SLC24A3: variants seen among roughly 807,000 people sequenced by gnomAD.
SLC24A3 encodes sodium/potassium/calcium exchanger 3.
Under a neutral mutation model 75.8 loss-of-function variants are expected in SLC24A3, and 28 were observed. The observed-to-expected ratio is 0.37, with a 90% CI of 0.27 to 0.51. SLC24A3 has a LOEUF of 0.51. SLC24A3 is among the 20% of genes least tolerant of loss of function. The pLI is 0.94. For missense variants in SLC24A3, 663 were observed against 847.8 expected (o/e 0.78, Z 2.71); for synonymous variants, 372 against 334.1 (o/e 1.11, Z -1.24).
At chr20:19,264,067 A>G (rs914958051) in intron 1 of SLC24A3, 17 of 151,808 alleles carry the variant, frequency 1.1e-4, no homozygotes, top group African/African-American at 3.9e-4. Context: ...AAAAAAAAAA[A>G]AAATGCTTAC....
intron 1 of SLC24A3, among the ~76,000 whole-genome samples, chr20:19,268,985 T>C (rs1021126065): frequency 6.6e-6 from 1 of 152,248 alleles, no homozygotes; most frequent in Admixed American, 6.5e-5. Flanking sequence ...TTGTCTCCTC[T>C]TGCCACTGCA....
At chr20:19,661,529 A>G (rs2032326336) in intron 7 of SLC24A3, among the ~76,000 whole-genome samples, 1 of 152,298 alleles carries the variant, frequency 6.6e-6, no homozygotes, top group African/African-American at 2.4e-5. Flanking sequence ...GGAAAAGTCT[A>G]CGGGGGGCTG....
intron 2 of SLC24A3, among the ~76,000 whole-genome samples, chr20:19,463,734 C>A (rs1337778263): frequency 6.6e-6 from 1 of 152,200 alleles, no homozygotes; most frequent in African/African-American, 2.4e-5. Context: ...CAGGGGAAAA[C>A]CTGACTTGCG....
At chr20:19,391,716 T>A (rs1309811694) in intron 2 of SLC24A3, among the ~76,000 whole-genome samples, 1 of 151,860 alleles carries the variant, frequency 6.6e-6, no homozygotes, top group Admixed American at 6.6e-5. Flanking sequence ...TCTTTGGGAG[T>A]CTTCAGTCTT....
intron 2 of SLC24A3, among the ~76,000 whole-genome samples, chr20:19,324,831 G>A (rs1984800822): frequency 6.6e-6 from 1 of 152,120 alleles, no homozygotes; most frequent in African/African-American, 2.4e-5. Context: ...TGTTCAACGA[G>A]TTAATCCTCC....
chr20:19,259,566 T>C (rs6081551), intron 1 of SLC24A3, among the ~76,000 whole-genome samples: 101,061 of 152,028 alleles, frequency 0.66, 34,214 homozygotes, highest in East Asian at 0.96. Context: ...CAGCCAGTCA[T>C]GGCCACCCCT....
intron 2 of SLC24A3, among the ~76,000 whole-genome samples, chr20:19,378,296 A>G (rs577849883): frequency 6.6e-6 from 1 of 152,184 alleles, no homozygotes; most frequent in South Asian, 2.1e-4. Context: ...TTTTAAAAAA[A>G]AAAAATAAAG....
At chr20:19,661,581 C>T (rs1860514269) in intron 7 of SLC24A3, among the ~76,000 whole-genome samples, 1 of 152,152 alleles carries the variant, frequency 6.6e-6, no homozygotes, top group South Asian at 2.1e-4. Context: ...AGGTTTCAGT[C>T]TCTTGAAAGA....
Position 19,696,851 on chromosome 20 carries a change from T to G in SLC24A3, c.1546T>G (p.Phe516Val). The change falls in exon 14 of 17, where the codon TTC becomes GTC. Residue 516 changes from phenylalanine (F) to valine (V), a missense_variant. Around this residue, in one of 2 missense-constraint regions of SLC24A3, gnomAD observed 510 missense variants for 703.6 expected, o/e 0.72. Coordinates refer to ENST00000328041, the MANE Select transcript of SLC24A3 (RefSeq NM_020689.4). ...TCCTGACGTCATCATGGGGATCACC[T>G]TCCTGGCTGCTGGGACCAGCGTGCC... is the stretch of plus-strand genomic sequence containing the variant. ...GIPDVIMGIT[F>V]LAAGTSVPDC... The G allele has an allele frequency of 6.2e-7, 1 of 1,614,014 alleles. No individual in the cohort carries two copies. The highest frequency in any genetic ancestry group is 8.5e-7 in the Non-Finnish European group (1 of 1,179,994).
intron 1 of SLC24A3, among the ~76,000 whole-genome samples, chr20:19,256,430 A>C (rs1982816718): frequency 6.6e-6 from 1 of 152,178 alleles, no homozygotes; most frequent in Non-Finnish European, 1.5e-5. Flanking sequence ...ACAACTCTGT[A>C]AATATATGAA....
At chr20:19,626,089 A>G (rs1006189192) in intron 6 of SLC24A3, among the ~76,000 whole-genome samples, 2 of 152,076 alleles carry the variant, frequency 1.3e-5, no homozygotes, top group African/African-American at 2.4e-5. Flanking sequence ...TTATATTTTA[A>G]TATTACTTGG....
At chr20:19,315,686 G>A (rs1324436901) in intron 2 of SLC24A3, among the ~76,000 whole-genome samples, 1 of 152,202 alleles carries the variant, frequency 6.6e-6, no homozygotes, top group Non-Finnish European at 1.5e-5. Context: ...ATGATCTGTT[G>A]ATGTGGATCC....
chr20:19,391,497 G>A (rs147117060), intron 2 of SLC24A3, among the ~76,000 whole-genome samples: 29 of 152,278 alleles, frequency 1.9e-4, no homozygotes, highest in Non-Finnish European at 3.8e-4. Flanking sequence ...TCTCAGACTG[G>A]TGTCCCATAT....
chr20:19,571,108 G>A, intron 3 of SLC24A3, among the ~76,000 whole-genome samples: 1 of 152,184 alleles, frequency 6.6e-6, no homozygotes, highest in East Asian at 1.9e-4. Flanking sequence ...TTCAAATCCT[G>A]CCTCTATCAC....
intron 7 of SLC24A3, among the ~76,000 whole-genome samples, chr20:19,657,869 T>C (rs2032283191): frequency 6.6e-6 from 1 of 152,206 alleles, no homozygotes; most frequent in South Asian, 2.1e-4. Flanking sequence ...CCTTAGGTAA[T>C]ACTAAGTTTC....
chr20:19,467,737 T>C (rs1223687950), intron 2 of SLC24A3, among the ~76,000 whole-genome samples: 3 of 152,028 alleles, frequency 2.0e-5, no homozygotes. Context: ...AAAAATTAGC[T>C]GGGCGTAGTG....
In SLC24A3 at chr20:19,212,798, A is replaced by T; in HGVS notation, c.-45A>T. On this transcript the variant is annotated 5_prime_UTR_variant, in exon 1 of 17. Transcript: ENST00000328041. ...TGTCCCCGCCGCGGCCGCCCGCGAC[A>T]GGAGCGGCCGCCGCCCGCCGAGGCC... 1 of 977,726 alleles carries T rather than the reference A, an allele frequency of 1.0e-6. No individual in the cohort carries two copies. Among genetic ancestry groups the T allele is most frequent in the Non-Finnish European group, 1.2e-6 (1 of 826,698 alleles). The allele number at this position is 977,726 out of a possible 1,614,324, so 60.6% of individuals were successfully genotyped here.
intron 1 of SLC24A3, among the ~76,000 whole-genome samples, chr20:19,260,726 G>C (rs375432305): frequency 3.2e-4 from 48 of 152,320 alleles, no homozygotes; most frequent in African/African-American, 1.2e-3. Context: ...TGAGACTGCT[G>C]TCCTCCTCTG....
chr20:19,671,853 G>A (rs1352431047), intron 8 of SLC24A3, among the ~76,000 whole-genome samples: 1 of 152,076 alleles, frequency 6.6e-6, no homozygotes, highest in Non-Finnish European at 1.5e-5. Flanking sequence ...GGTCACCTAG[G>A]GAGAAAACAT....
Sources: gnomAD v4.1 joint callset for allele counts (sites outside exome capture counted in the v4.1 genomes callset) on GRCh38, gnomAD v4.1.1 for gene constraint, gnomAD v4.1.1 regional missense constraint, MANE v1.5 for transcripts, NCBI Gene and HGNC (gene_info 2026-07-23, HGNC 2026-07-21) for gene names.